Variants in ZNF544 observed in about 807,000 individuals in gnomAD.
ZNF544 encodes the protein zinc finger protein 544.
A neutral mutation model predicts 13.5 loss-of-function variants in ZNF544; 10 were observed. The observed-to-expected ratio is 0.74, with a 90% CI of 0.46 to 1.25. ZNF544 has a LOEUF of 1.25. ZNF544 is among the 50% of genes most tolerant of loss of function. The probability of loss-of-function intolerance (pLI) is 0.00; values close to 1 mark genes in which losing one functional copy is unlikely to be tolerated. For missense variants in ZNF544, 896 were observed against 845.6 expected (o/e 1.06, Z -0.74); for synonymous variants, 323 against 300.5 (o/e 1.07, Z -0.77).
intron 3 of ZNF544, among the ~76,000 whole-genome samples, chr19:58,238,653 G>A (rs577179239): frequency 3.0e-4 from 45 of 152,236 alleles, no homozygotes; most frequent in African/African-American, 1.1e-3. Context: ...GAGTGGGTGT[G>A]GGTTTCTGGC....
intron 6 of ZNF544, among the ~76,000 whole-genome samples, chr19:58,253,362 A>G (rs1475438882): frequency 6.6e-6 from 1 of 152,228 alleles, no homozygotes; most frequent in Non-Finnish European, 1.5e-5. Flanking sequence ...TCACTGAAAA[A>G]AAGCCTCAAA....
chr19:58,250,457 C>T (rs1437737206), intron 6 of ZNF544, among the ~76,000 whole-genome samples: 1 of 152,158 alleles, frequency 6.6e-6, no homozygotes, highest in Non-Finnish European at 1.5e-5. Flanking sequence ...ACTGTGTATC[C>T]TTTGAAGTGT....
chr19:58,267,898 G>A (rs113276913), downstream of ZNF544, among the ~76,000 whole-genome samples: 11 of 149,430 alleles, frequency 7.4e-5, no homozygotes, highest in South Asian at 2.1e-4. Context: ...GGAGAATGGC[G>A]TGAACTCAGG....
Position 58,261,682 on chromosome 19 carries a change from G to A in ZNF544, c.1076G>A (p.Cys359Tyr), listed in dbSNP as rs776450994. 6.2e-7 allele frequency: 1 copy of A among 1,614,218 alleles called. No individual in the cohort carries two copies. Among genetic ancestry groups the A allele is most frequent in the Non-Finnish European group, 8.5e-7 (1 of 1,180,032 alleles). ...TTEKPSVCNQ[C>Y]GKSFSCCKLI... is the part of the protein sequence containing the mutation. ...GAGAAGCCATCTGTGTGTAATCAGT[G>A]TGGAAAATCTTTCAGCTGTTGTAAG... Residue 359 changes from cysteine to tyrosine, a missense_variant, in exon 7 of 7, where the codon TGT becomes TAT. Transcript: ENST00000687789.
chr19:58,232,499 C>T (rs2041476949), intron 3 of ZNF544, among the ~76,000 whole-genome samples: 1 of 151,668 alleles, frequency 6.6e-6, no homozygotes, highest in Non-Finnish European at 1.5e-5. Context: ...TACAAGTGTA[C>T]ACCACTACAC....
rs978116828 is a variant in ZNF544, at chr19:58,246,869, G to A, written c.244+75G>A. Reference sequence around the variant, plus strand: ...AGAGAGCTCTCCGCAGGGCCCCAGGGGCCAAGGAGGGAGCCTTGTTTGGAG... The same window carrying A: ...AGAGAGCTCTCCGCAGGGCCCCAGGAGCCAAGGAGGGAGCCTTGTTTGGAG... On this transcript the variant is annotated intron_variant, in intron 6 of 6. Transcript: ENST00000687789. The A allele has an allele frequency of 2.8e-6, 4 of 1,431,364 alleles. No homozygotes were observed. In the South Asian group the frequency reaches 4.9e-5, roughly 17 times the overall value. The allele number at this position is 1,431,364 out of a possible 1,614,324, so 88.7% of individuals were successfully genotyped here. A position where few individuals can be genotyped will look rare whatever the true frequency, so the allele number is the denominator to read the frequency against.
At chr19:58,275,517 A>G (rs1278924875) in intron 5 of ZNF544, among the ~76,000 whole-genome samples, 5 of 140,728 alleles carry the variant, frequency 3.6e-5, no homozygotes, top group Non-Finnish European at 6.2e-5. Context: ...CAAGAACTAG[A>G]AAAGAAAAAA....
intron 3 of ZNF544, among the ~76,000 whole-genome samples, 154 bp from the exon 4 acceptor site, chr19:58,243,811 C>T (rs530837379): frequency 1.1e-4 from 17 of 152,144 alleles, no homozygotes; most frequent in Admixed American, 5.9e-4. Context: ...GGCACATCCC[C>T]GAGCCTGAGG....
At chr19:58,244,158 G>A (rs968708491) in intron 4 of ZNF544, 102 bp downstream of exon 4, 13 of 992,738 alleles carry the variant, frequency 1.3e-5, no homozygotes, top group Middle Eastern at 2.4e-4. Context: ...GGAGCGCTCC[G>A]CAGTGCTGGC....
At chr19:58,267,770 CAGG>C (rs1440337986), downstream of ZNF544, 1 of 148,832 alleles carries the variant, frequency 6.7e-6, no homozygotes, top group Non-Finnish European at 1.5e-5. Flanking sequence ...ATCACGAGGT[CAGG>C]AGATCGAGAT....
chr19:58,277,069 A>T, intron 6 of ZNF544: 1 of 619,472 alleles, frequency 1.6e-6, no homozygotes, highest in Non-Finnish European at 2.3e-6. Flanking sequence ...CATTTAGCCT[A>T]AGTGACTCTG....
At chr19:58,239,416 G>T (rs1000357720) in intron 3 of ZNF544, among the ~76,000 whole-genome samples, 24 of 152,138 alleles carry the variant, frequency 1.6e-4, no homozygotes, top group Non-Finnish European at 2.8e-4. Context: ...ACTGCCCCCA[G>T]TTGAGGACCT....
chr19:58,251,243 A>G (rs1286074319), intron 6 of ZNF544: 2 of 510,250 alleles, frequency 3.9e-6, no homozygotes, highest in Admixed American at 2.0e-5. Context: ...TAAAGTAACT[A>G]AGCAACAAAG....
intron 3 of ZNF544, among the ~76,000 whole-genome samples, chr19:58,235,209 C>T (rs373786332): frequency 1.4e-3 from 207 of 152,224 alleles, no homozygotes; most frequent in Non-Finnish European, 2.4e-3. Context: ...AGCTACACAG[C>T]GTGTTATTGT....
At chr19:58,267,539 AAATAC>A (rs2050071896), downstream of ZNF544, 1 of 151,084 alleles carries the variant, frequency 6.6e-6, no homozygotes. Context: ...TATCTACTAA[AAATAC>A]AATACAAACA....
downstream of ZNF544, among the ~76,000 whole-genome samples, chr19:58,264,717 C>T (rs1343117769): frequency 6.7e-6 from 1 of 149,826 alleles, no homozygotes; most frequent in Non-Finnish European, 1.5e-5. Context: ...AAACAAAAAA[C>T]CCTGAGCTGG....
intron 6 of ZNF544, among the ~76,000 whole-genome samples, chr19:58,253,605 A>T (rs965962393): frequency 1.3e-5 from 2 of 151,816 alleles, no homozygotes; most frequent in Non-Finnish European, 2.9e-5. Flanking sequence ...CATCCAGTTA[A>T]TTTTTTTTAT....
intron 3 of ZNF544, chr19:58,242,288 C>T: frequency 1.0e-6 from 1 of 985,264 alleles, no homozygotes. Context: ...GAAGAGGTTT[C>T]CCAAGCCTTT....
intron 6 of ZNF544, among the ~76,000 whole-genome samples, chr19:58,249,961 A>G (rs932972447): frequency 6.6e-6 from 1 of 152,164 alleles, no homozygotes; most frequent in Non-Finnish European, 1.5e-5. Flanking sequence ...TCCTACCAAA[A>G]GGGATGTGAG....
Sources: gnomAD v4.1 joint callset for allele counts (sites outside exome capture counted in the v4.1 genomes callset) on GRCh38, gnomAD v4.1.1 for gene constraint, MANE v1.5 for transcripts, NCBI Gene and HGNC (gene_info 2026-07-23, HGNC 2026-07-21) for gene names.